CTNNA3: variants seen among roughly 807,000 people sequenced by gnomAD.
CTNNA3 encodes the protein catenin alpha-3.
A neutral mutation model predicts 95.7 loss-of-function variants in CTNNA3; 76 were observed. The ratio of observed to expected loss-of-function variants is 0.79; its 90% CI spans 0.66 to 0.96. The LOEUF (loss-of-function observed/expected upper bound fraction) is 0.96, where lower values mean the gene tolerates loss of function less well. Among genes scored for constraint, CTNNA3 ranks in the 40% least tolerant of loss-of-function variants. The probability of loss-of-function intolerance (pLI) is 0.00; values close to 1 mark genes in which losing one functional copy is unlikely to be tolerated. For synonymous variants in CTNNA3, 431 were observed against 374.4 expected (o/e 1.15, Z -1.74); for missense variants, 1,191 against 1,089.8 (o/e 1.09, Z -1.31).
At chr10:66,417,652 T>G (rs1028433094) in intron 11 of CTNNA3, among the ~76,000 whole-genome samples, 2 of 151,926 alleles carry the variant, frequency 1.3e-5, no homozygotes, top group African/African-American at 4.8e-5. Context: ...CAACAAATTT[T>G]AAACAAGCAA....
chr10:66,711,821 C>T (rs570466915), intron 9 of CTNNA3, among the ~76,000 whole-genome samples: 2 of 152,156 alleles, frequency 1.3e-5, no homozygotes, highest in East Asian at 1.9e-4. Context: ...CTGCTCGTCT[C>T]GGCCTCTCAA....
intron 9 of CTNNA3, among the ~76,000 whole-genome samples, chr10:66,763,391 C>T (rs946067443): frequency 7.7e-6 from 1 of 129,822 alleles, no homozygotes; most frequent in Non-Finnish European, 1.7e-5. Flanking sequence ...GAGAGAGAAA[C>T]AACCTAGTGT....
intron 5 of CTNNA3, among the ~76,000 whole-genome samples, chr10:67,231,990 T>A (rs1453463219): frequency 1.3e-5 from 2 of 152,138 alleles, no homozygotes; most frequent in Non-Finnish European, 2.9e-5. Context: ...GAGCAAAGCC[T>A]CCAAGAAATA....
intron 5 of CTNNA3, among the ~76,000 whole-genome samples, chr10:67,456,337 G>A (rs1486706274): frequency 6.6e-6 from 1 of 152,078 alleles, no homozygotes; most frequent in African/African-American, 2.4e-5. Context: ...CATCAAAATA[G>A]TTAAATCCTC....
At chr10:66,063,204 A>G (rs1333100018) in intron 15 of CTNNA3, among the ~76,000 whole-genome samples, 3 of 121,202 alleles carry the variant, frequency 2.5e-5, no homozygotes, top group Non-Finnish European at 5.1e-5. Flanking sequence ...GTATATATAT[A>G]TATATATATA....
At chr10:67,634,197 T>A (rs1839234309) in intron 2 of CTNNA3, among the ~76,000 whole-genome samples, 1 of 151,970 alleles carries the variant, frequency 6.6e-6, no homozygotes, top group Non-Finnish European at 1.5e-5. Context: ...AAGAAAAAAA[T>A]TCCAACCCAG....
intron 11 of CTNNA3, among the ~76,000 whole-genome samples, chr10:66,413,780 G>A (rs1371254742): frequency 6.6e-6 from 1 of 152,188 alleles, no homozygotes; most frequent in Non-Finnish European, 1.5e-5. Flanking sequence ...AAAGGAAAGT[G>A]TGGATTCTTA....
At chr10:66,195,556 T>C (rs2086908944) in intron 13 of CTNNA3, among the ~76,000 whole-genome samples, 1 of 152,192 alleles carries the variant, frequency 6.6e-6, no homozygotes, top group Non-Finnish European at 1.5e-5. Context: ...TCAATACCAA[T>C]AATAAACCAG....
chr10:66,431,649 A>G (rs1050536864), intron 11 of CTNNA3, among the ~76,000 whole-genome samples: 19 of 151,428 alleles, frequency 1.3e-4, no homozygotes, highest in Admixed American at 1.3e-3. Context: ...CGCAAGGACA[A>G]AAAAACCAAA....
chr10:67,403,369 T>C (rs1288548415), intron 5 of CTNNA3: 1 of 152,322 alleles, frequency 6.6e-6, no homozygotes, highest in Non-Finnish European at 1.5e-5. Context: ...TTCCAGCCTG[T>C]AGGCTTTGCA....
At chr10:66,036,249 C>T (rs955191123) in intron 15 of CTNNA3, among the ~76,000 whole-genome samples, 5 of 152,168 alleles carry the variant, frequency 3.3e-5, no homozygotes, top group African/African-American at 7.2e-5. Context: ...AAACAGCTCA[C>T]GGCAGAATCA....
At chr10:66,709,392 GATA>G (rs1848219247) in intron 9 of CTNNA3, among the ~76,000 whole-genome samples, 1 of 152,016 alleles carries the variant, frequency 6.6e-6, no homozygotes, top group Non-Finnish European at 1.5e-5. Flanking sequence ...GACTAGAAAG[GATA>G]ATGAGTCTCA....
In CTNNA3 at chr10:66,926,946, C is replaced by A. The variant is rs763055807; in HGVS notation, c.1048-151422G>T. The stretch of plus-strand genomic sequence containing the variant: ...GTTTCAATGTAATTAGGCTACTGAG[C>A]GGATCAGCTGTAGCACTGGTTATAG... On this transcript the variant is annotated intron_variant, in intron 7 of 17. Transcript: ENST00000433211. 2 of 1,599,376 alleles carry A rather than the reference C, an allele frequency of 1.3e-6. No homozygotes were observed. Among genetic ancestry groups the A allele is most frequent in the African/African-American group, 2.7e-5 (2 of 74,252 alleles).
At chr10:66,106,005 C>T (rs542113154) in intron 13 of CTNNA3, among the ~76,000 whole-genome samples, 7 of 152,136 alleles carry the variant, frequency 4.6e-5, no homozygotes, top group African/African-American at 1.2e-4. Context: ...GTCAGATGTT[C>T]GAGACCAGCC....
At chr10:67,392,907 G>T (rs531197187) in intron 5 of CTNNA3, among the ~76,000 whole-genome samples, 8 of 152,208 alleles carry the variant, frequency 5.3e-5, no homozygotes, top group African/African-American at 1.9e-4. Flanking sequence ...GGACTGTTGT[G>T]GGGTGGGGGG....
rs1029805079 is a variant in CTNNA3, at chr10:66,270,239, G to A, written c.1884+10231C>T. Among the ~76,000 whole-genome samples the A allele has an allele frequency of 2.9e-4, 43 of 150,190 alleles. 5 individuals carry two copies. The highest frequency in any genetic ancestry group is 1.6e-3 in the Admixed American group (24 of 15,046). On this transcript the variant is annotated intron_variant, in intron 13 of 17. Coordinates refer to ENST00000433211, the MANE Select transcript of CTNNA3 (RefSeq NM_013266.4). Reference sequence around the variant, plus strand: ...TAACATTTTTTGGGGGGGGGGGCAGGGTCTCACTTTGTCACCCAGGCTGCA... The same window carrying A: ...TAACATTTTTTGGGGGGGGGGGCAGAGTCTCACTTTGTCACCCAGGCTGCA...
At chr10:66,088,116 T>C (rs2081058345) in intron 14 of CTNNA3, among the ~76,000 whole-genome samples, 2 of 152,062 alleles carry the variant, frequency 1.3e-5, no homozygotes, top group South Asian at 2.1e-4. Flanking sequence ...TTTTGGTCTA[T>C]AAAATTATGC....
intron 7 of CTNNA3, among the ~76,000 whole-genome samples, chr10:66,959,159 C>T (rs1306395110): frequency 6.6e-6 from 1 of 152,182 alleles, no homozygotes; most frequent in Non-Finnish European, 1.5e-5. Context: ...AAGCTTACAG[C>T]AGAAGTTGGC....
rs565037386 is a variant in CTNNA3, at chr10:66,856,111, T to G, written c.1048-80587A>C. On this transcript the variant is annotated intron_variant, in intron 7 of 17. Coordinates refer to ENST00000433211, the MANE Select transcript of CTNNA3 (RefSeq NM_013266.4). The stretch of plus-strand genomic sequence containing the variant: ...AGAGTACACCCTGGTGTCTGTTGTC[T>G]CCTTCATTCTGTCCGTATGTCTGTA... Among the ~76,000 whole-genome samples the G allele has an allele frequency of 5.3e-5, 8 of 151,992 alleles. No homozygotes were observed. In the East Asian group the frequency reaches 1.4e-3, roughly 26 times the overall value.
Sources: allele counts gnomAD v4.1 joint callset (sites outside exome capture counted in the v4.1 genomes callset), GRCh38; gene constraint gnomAD v4.1.1; transcripts MANE v1.5; gene names NCBI Gene and HGNC (gene_info 2026-07-23, HGNC 2026-07-21).